CCDC18: variants seen among roughly 807,000 people sequenced by gnomAD.
CCDC18 encodes coiled-coil domain containing 18, also known as coiled-coil domain-containing protein 18.
A neutral mutation model predicts 196.0 loss-of-function variants in CCDC18; 157 were observed. That is an observed-to-expected ratio of 0.80 (90% CI 0.70 to 0.91). The LOEUF (loss-of-function observed/expected upper bound fraction) is 0.91. Ranked by LOEUF, CCDC18 falls within the 40% of genes least tolerant of loss-of-function variation. CCDC18 has a pLI of 0.00. For missense variants in CCDC18, 1,465 were observed against 1,611.6 expected (o/e 0.91, Z 1.56); for synonymous variants, 482 against 529.2 (o/e 0.91, Z 1.22).
chr1:93,220,596 A>G (rs1258336452), intron 14 of CCDC18, among the ~76,000 whole-genome samples: 1 of 152,150 alleles, frequency 6.6e-6, no homozygotes, highest in Non-Finnish European at 1.5e-5. Context: ...AAAGGGGTCT[A>G]TATTCTTAGT....
At chr1:93,221,986 A>G (rs763306953) in intron 16 of CCDC18, 50 bp downstream of exon 16, 5 of 1,006,476 alleles carry the variant, frequency 5.0e-6, no homozygotes, top group East Asian at 2.9e-5. Context: ...TTTTTTTTTT[A>G]ACAGACAGAA....
intron 25 of CCDC18, among the ~76,000 whole-genome samples, chr1:93,257,231 C>CAAAAAAAA (rs71586787): frequency 4.7e-4 from 22 of 46,500 alleles, no homozygotes; most frequent in African/African-American, 5.9e-4. Flanking sequence ...GACTCCATCT[C>CAAAAAAAA]AAAAAAAAAA....
intron 17 of CCDC18, among the ~76,000 whole-genome samples, chr1:93,227,290 C>G (rs1461052800): frequency 6.8e-6 from 1 of 147,888 alleles, no homozygotes; most frequent in East Asian, 2.0e-4. Flanking sequence ...CCCTGAGTAG[C>G]TGGGACTATA....
chr1:93,233,985 C>A (rs2100741644), intron 18 of CCDC18, among the ~76,000 whole-genome samples: 1 of 152,136 alleles, frequency 6.6e-6, no homozygotes, highest in East Asian at 1.9e-4. Context: ...TACTATACAG[C>A]TTCATCCTGA....
intron 28 of CCDC18, among the ~76,000 whole-genome samples, chr1:93,275,896 A>G (rs1352132477): frequency 6.6e-6 from 1 of 152,254 alleles, no homozygotes; most frequent in African/African-American, 2.4e-5. Context: ...GATGAGTGAC[A>G]AAAGTTTAAA....
rs1665147544 is a variant in CCDC18 at position 93,270,588 on chromosome 1, A to G, written c.4127A>G (p.Gln1376Arg). 2.6e-6 allele frequency: 4 copies of G among 1,550,334 alleles called. No homozygotes were observed. Among genetic ancestry groups the G allele is most frequent in the Admixed American group, 2.0e-5 (1 of 50,988 alleles). ...GDEDLSEELL[Q>R]DLKKMQLEQP... Reference sequence around the variant, plus strand: ...GAAGATCTTTCTGAAGAATTACTACAGGACTTAAAGAAAATGCAATTAGAA... The same window carrying G: ...GAAGATCTTTCTGAAGAATTACTACGGGACTTAAAGAAAATGCAATTAGAA... The change falls in exon 28 of 29, where the codon CAG becomes CGG. Residue 1376 changes from glutamine (Q) to arginine (R), a missense_variant. Gln to Arg is a conservative substitution (Grantham distance 43). Coordinates refer to ENST00000690025, the MANE Select transcript of CCDC18 (RefSeq NM_001378204.1).
At chr1:93,186,304 G>T (rs1278681019) in intron 3 of CCDC18, 41 bp from the exon 4 acceptor site, 1 of 1,556,108 alleles carries the variant, frequency 6.4e-7, no homozygotes, top group Admixed American at 1.8e-5. Flanking sequence ...ACCCTTAATT[G>T]AAATAATTGA....
Position 93,277,184 on chromosome 1 carries a change from T to C in CCDC18, c.4354-1279T>C, listed in dbSNP as rs2101594396. On this transcript the variant is annotated intron_variant, in intron 28 of 28. Coordinates refer to ENST00000690025, the MANE Select transcript of CCDC18 (RefSeq NM_001378204.1). ...CTCCAGCCCTAAGGCGGTTTTTCCCTATCTCAGTAGATGGAGCATACAATC... is the reference window on the plus strand; with the variant it reads ...CTCCAGCCCTAAGGCGGTTTTTCCCCATCTCAGTAGATGGAGCATACAATC... 5.6e-5 allele frequency among the ~76,000 whole-genome samples: 2 copies of C among 35,652 alleles called. 1 individual carries two copies. The highest frequency in any genetic ancestry group is 1.5e-3 in the South Asian group (2 of 1,362). The allele number at this position is 35,652 out of a possible 152,430, so 23.4% of individuals were successfully genotyped here. A position where few individuals can be genotyped will look rare whatever the true frequency, so the allele number is the denominator to read the frequency against.
intron 16 of CCDC18, among the ~76,000 whole-genome samples, chr1:93,222,939 A>G (rs1042990230): frequency 1.3e-5 from 2 of 152,092 alleles, no homozygotes; most frequent in Non-Finnish European, 2.9e-5. Context: ...TCTGTTTTTA[A>G]TTCATTTTGT....
Position 93,270,753 on chromosome 1 carries a change from T to C in CCDC18, c.4292T>C (p.Ile1431Thr). The C allele has an allele frequency of 1.3e-6, 2 of 1,548,486 alleles. No individual in the cohort carries two copies. The highest frequency in any genetic ancestry group is 2.4e-5 in the South Asian group (2 of 83,704). Residue 1431 changes from isoleucine (I) to threonine (T), a missense_variant, in exon 28 of 29, where the codon ATA becomes ACA. Coordinates refer to ENST00000690025, the MANE Select transcript of CCDC18 (RefSeq NM_001378204.1). ...FNTLSGMLRY[I>T]NKEVRLLKKS... ...ACGCTTAGTGGGATGCTAAGATACA[T>C]AAACAAAGAAGTAAGACTATTAAAA...
At chr1:93,263,382 C>T (rs1258933221) in intron 26 of CCDC18, among the ~76,000 whole-genome samples, 3 of 152,134 alleles carry the variant, frequency 2.0e-5, no homozygotes, top group Non-Finnish European at 2.9e-5. Context: ...TTCAGATCAT[C>T]TCTTTGTGAA....
At chr1:93,180,640 C>T, upstream of CCDC18, 2 of 1,334,078 alleles carry the variant, frequency 1.5e-6, no homozygotes, top group Non-Finnish European at 2.0e-6. Context: ...CCCCGGCAAG[C>T]CCCGCGCCTT....
intron 4 of CCDC18, among the ~76,000 whole-genome samples, chr1:93,188,281 G>C (rs1651070534): frequency 6.6e-6 from 1 of 152,178 alleles, no homozygotes. Context: ...TCTGGCAATG[G>C]TTGTACTTAC....
At chr1:93,249,507 GCTGTT>G (rs1012376141) in intron 23 of CCDC18, among the ~76,000 whole-genome samples, 1 of 151,858 alleles carries the variant, frequency 6.6e-6, no homozygotes, top group Non-Finnish European at 1.5e-5. Flanking sequence ...ATTGGGTTTG[GCTGTT>G]GCTATTCCAG....
intron 4 of CCDC18, among the ~76,000 whole-genome samples, chr1:93,191,500 T>C (rs374227089): frequency 6.6e-5 from 10 of 152,222 alleles, no homozygotes; most frequent in African/African-American, 2.4e-4. Context: ...GATACTCTCT[T>C]CTATACCATT....
chr1:93,202,188 T>TA (rs1653939214), intron 7 of CCDC18, among the ~76,000 whole-genome samples, 200 bp downstream of exon 7: 1 of 152,186 alleles, frequency 6.6e-6, no homozygotes, highest in African/African-American at 2.4e-5. Context: ...GAAACTTTTT[T>TA]ATCCAAAGAG....
chr1:93,258,883 G>A lies in CCDC18; in HGVS notation c.3682G>A (p.Glu1228Lys). 1.3e-6 allele frequency: 2 copies of A among 1,584,150 alleles called. No individual in the cohort carries two copies. Among genetic ancestry groups the A allele is most frequent in the South Asian group, 2.4e-5 (2 of 84,968 alleles). ...VESLKEAYHM[E>K]MISHQENHAK... The stretch of plus-strand genomic sequence containing the variant: ...ATCTCTCAAAGAAGCTTATCATATG[G>A]AGGTAAAGAAAAATTTAATTTGTTT... The change falls in exon 26 of 29, where the codon GAG (glutamate) becomes AAG (lysine). Residue 1228 changes from glutamate (E) to lysine (K), a missense_variant and splice_region_variant. By Grantham distance (56) the Glu-to-Lys change is moderately conservative. Transcript: ENST00000690025.
chr1:93,207,502 T>C (rs759227733), intron 9 of CCDC18, 104 bp downstream of exon 9: 4 of 803,430 alleles, frequency 5.0e-6, no homozygotes, highest in Non-Finnish European at 7.5e-6. Context: ...TTTCTTTTTC[T>C]CTATACTTTT....
intron 4 of CCDC18, 145 bp downstream of exon 4, chr1:93,186,648 G>A (rs2101522962): frequency 3.5e-6 from 2 of 571,646 alleles, no homozygotes; most frequent in South Asian, 2.7e-5. Context: ...TCAACATGTT[G>A]TAAAATCAAT....
Sources: gnomAD v4.1 joint callset for allele counts (sites outside exome capture counted in the v4.1 genomes callset) on GRCh38, gnomAD v4.1.1 for gene constraint, MANE v1.5 for transcripts, NCBI Gene and HGNC (gene_info 2026-07-23, HGNC 2026-07-21) for gene names.